The following CPT2 variants were observed in gnomAD, a reference collection of about 807,000 sequenced individuals.
The protein encoded by CPT2 is carnitine O-palmitoyltransferase 2, mitochondrial.
CPT2 carries 37 observed loss-of-function variants against 48.6 expected under a neutral mutation model. The observed-to-expected ratio is 0.76, with a 90% CI of 0.59 to 1.00. The LOEUF is 1.00. Among genes scored for constraint, CPT2 ranks in the 50% least tolerant of loss-of-function variants. The pLI is 0.00. For synonymous variants in CPT2, 319 were observed against 326.9 expected (o/e 0.98, Z 0.26); for missense variants, 772 against 825.6 (o/e 0.94, Z 0.80).
chr1:53,213,533 T>C lies in CPT2; in HGVS notation c.1915T>C (p.Cys639Arg). The C allele has an allele frequency of 6.2e-7, 1 of 1,614,214 alleles. No homozygotes were observed. The highest frequency in any genetic ancestry group is 8.5e-7 in the Non-Finnish European group (1 of 1,180,026). ...PGRNAREFLQ[C>R]VEKALEDMFD... ...CCGCAATGCCCGGGAGTTTCTCCAATGTGTGGAGAAGGCCTTAGAAGACAT... is the reference window on the plus strand; with the variant it reads ...CCGCAATGCCCGGGAGTTTCTCCAACGTGTGGAGAAGGCCTTAGAAGACAT... Residue 639 changes from cysteine (C) to arginine (R), a missense_variant, in exon 5 of 5, where the codon TGT becomes CGT. By Grantham distance (180) the Cys-to-Arg change is radical. Transcript: ENST00000371486.
At chr1:53,205,706 C>T (rs1159563858) in intron 3 of CPT2, among the ~76,000 whole-genome samples, 1 of 152,252 alleles carries the variant, frequency 6.6e-6, no homozygotes, top group Non-Finnish European at 1.5e-5. Flanking sequence ...TTCCTGGGCC[C>T]TGCTGTTCTG....
chr1:53,196,943 G>T lies in CPT2; in HGVS notation c.-1G>T. ...TCTCGCCGCCGCAGGCTCCCGGGAC[G>T]ATGGTGCCCCGCCTGCTGCTGCGCG... On this transcript the variant is annotated 5_prime_UTR_variant, in exon 1 of 5. Transcript: ENST00000371486. 1 of 1,545,206 alleles carries T rather than the reference G, an allele frequency of 6.5e-7. No individual in the cohort carries two copies. Among genetic ancestry groups the T allele is most frequent in the South Asian group, 1.2e-5 (1 of 84,382 alleles).
chr1:53,200,874 T>G, intron 2 of CPT2, 75 bp downstream of exon 2: 1 of 1,167,640 alleles, frequency 8.6e-7, no homozygotes, highest in Non-Finnish European at 1.3e-6. Context: ...TGGACCAAGC[T>G]TCAGGGAATG....
At chr1:53,198,319 G>A (rs892468387) in intron 1 of CPT2, among the ~76,000 whole-genome samples, 1 of 152,158 alleles carries the variant, frequency 6.6e-6, no homozygotes, top group African/African-American at 2.4e-5. Flanking sequence ...CGAGCTGCTG[G>A]GTTGTTTTTC....
At chr1:53,202,708 T>G in intron 3 of CPT2, 1 of 463,208 alleles carries the variant, frequency 2.2e-6, no homozygotes, top group Non-Finnish European at 4.0e-6. Flanking sequence ...GGATGCAGGA[T>G]TAAGTCCTAT....
intron 4 of CPT2, among the ~76,000 whole-genome samples, chr1:53,212,315 A>C (rs545852640): frequency 2.6e-5 from 4 of 152,014 alleles, no homozygotes; most frequent in Non-Finnish European, 4.4e-5. Flanking sequence ...TACCCGCCTC[A>C]CCCTCCCAAA....
intron 3 of CPT2, among the ~76,000 whole-genome samples, chr1:53,204,632 A>G (rs1645375442): frequency 6.6e-6 from 1 of 152,072 alleles, no homozygotes; most frequent in African/African-American, 2.4e-5. Flanking sequence ...CTCTAATGTG[A>G]TTGATATGGT....
chr1:53,212,457 C>T (rs1254952625), intron 4 of CPT2, among the ~76,000 whole-genome samples: 2 of 152,162 alleles, frequency 1.3e-5, no homozygotes, highest in Non-Finnish European at 2.9e-5. Context: ...GCCTTGGCCT[C>T]CCAAAGCACT....
intron 1 of CPT2, among the ~76,000 whole-genome samples, chr1:53,198,567 G>A (rs897270404): frequency 1.3e-5 from 2 of 152,202 alleles, no homozygotes; most frequent in African/African-American, 2.4e-5. Context: ...ATGGGTGAAA[G>A]GTGAGGACTG....
At chr1:53,203,372 A>G (rs1392544304) in intron 3 of CPT2, 1 of 152,196 alleles carries the variant, frequency 6.6e-6, no homozygotes, top group Non-Finnish European at 1.5e-5. Context: ...TTATGCTATT[A>G]TGATCATAGA....
chr1:53,213,261 C>T lies in CPT2; in HGVS notation c.1646-3C>T. ...CTCTGGTTTTCCATTTTGTTTCTCA[C>T]AGGCCAGGGCTTTGACCGACACTTG... is the stretch of plus-strand genomic sequence containing the variant. On this transcript the variant is annotated splice_polypyrimidine_tract_variant and splice_region_variant and intron_variant, in intron 4 of 4. Transcript: ENST00000371486. 2.5e-6 allele frequency: 4 copies of T among 1,614,110 alleles called. No individual in the cohort carries two copies. Among genetic ancestry groups the T allele is most frequent in the Non-Finnish European group, 2.5e-6 (3 of 1,180,040 alleles).
chr1:53,197,082 G>A lies in CPT2; in HGVS notation c.139G>A (p.Asp47Asn). 1 of 1,538,956 alleles carries A rather than the reference G, an allele frequency of 6.5e-7. No homozygotes were observed. ...CATCGTGCCCACCATGCACTACCAG[G>A]ACAGCCTGCCCAGGTGAGCCTGGCC... Reference protein sequence around the residue: ...RSIVPTMHYQDSLPRLPIPKL... With the variant: ...RSIVPTMHYQNSLPRLPIPKL... The change falls in exon 1 of 5, where the codon GAC becomes AAC. Residue 47 changes from aspartate (D) to asparagine (N), a missense_variant. Transcript: ENST00000371486.
intron 4 of CPT2, chr1:53,211,589 CTTT>C: frequency 6.6e-6 from 3 of 453,148 alleles, no homozygotes; most frequent in African/African-American, 2.1e-5. Flanking sequence ...CGCATTAATT[CTTT>C]TTTCTTTCTT....
chr1:53,206,465 A>G (rs1229180563), intron 3 of CPT2, among the ~76,000 whole-genome samples: 5 of 152,242 alleles, frequency 3.3e-5, no homozygotes, highest in Admixed American at 6.5e-5. Context: ...CAGGCATTCA[A>G]TGCCAGCCTG....
chr1:53,197,404 G>A (rs1343050262), intron 1 of CPT2: 1 of 465,556 alleles, frequency 2.1e-6, no homozygotes, highest in East Asian at 4.4e-5. Flanking sequence ...TCTTCTCCCT[G>A]AAAAATGCCA....
chr1:53,206,157 T>G (rs1324858005), intron 3 of CPT2, among the ~76,000 whole-genome samples: 8 of 131,192 alleles, frequency 6.1e-5, no homozygotes, highest in African/African-American at 2.4e-4. Context: ...CACTCCAGTC[T>G]GGGTGACAGA....
At chr1:53,201,138 C>T (rs888444848) in intron 2 of CPT2, 17 of 365,170 alleles carry the variant, frequency 4.7e-5, no homozygotes, top group South Asian at 3.7e-4. Context: ...GGAGACCATA[C>T]GGCAGACCAG....
rs578031394 is a variant in CPT2, at chr1:53,213,957, G to A, written c.*362G>A. 3.4e-5 allele frequency: 10 copies of A among 292,708 alleles called. No homozygotes were observed. The highest frequency in any genetic ancestry group is 5.3e-5 in the Non-Finnish European group (8 of 152,354). The allele number at this position is 292,708 out of a possible 1,614,324, so 18.1% of individuals were successfully genotyped here. A position where few individuals can be genotyped will look rare whatever the true frequency, so the allele number is the denominator to read the frequency against. On this transcript the variant is annotated 3_prime_UTR_variant, in exon 5 of 5. Coordinates refer to ENST00000371486, the MANE Select transcript of CPT2 (RefSeq NM_000098.3). Reference sequence around the variant, plus strand: ...AAAAAAGAAAAAAAAACTGGGGCCTGTGTAGCCAGTGGGTGCTATTCTGTG... The same window carrying A: ...AAAAAAGAAAAAAAAACTGGGGCCTATGTAGCCAGTGGGTGCTATTCTGTG...
chr1:53,205,387 C>T (rs949391091), intron 3 of CPT2, among the ~76,000 whole-genome samples: 1 of 152,090 alleles, frequency 6.6e-6, no homozygotes, highest in African/African-American at 2.4e-5. Flanking sequence ...ACAAAGCATT[C>T]AAGATGGCTT....
Sources: gnomAD v4.1 joint callset for allele counts (sites outside exome capture counted in the v4.1 genomes callset) on GRCh38, gnomAD v4.1.1 for gene constraint, MANE v1.5 for transcripts, NCBI Gene and HGNC (gene_info 2026-07-23, HGNC 2026-07-21) for gene names.